AKAP17A: variants seen among roughly 807,000 people sequenced by gnomAD.
The protein encoded by AKAP17A is A-kinase anchoring protein 17A.
AKAP17A carries 15 observed loss-of-function variants against 52.2 expected under a neutral mutation model. The observed-to-expected ratio is 0.29, with a 90% CI of 0.19 to 0.44. The LOEUF is 0.44. AKAP17A is among the 20% of genes least tolerant of loss of function. The pLI, the probability that AKAP17A is intolerant of heterozygous loss-of-function variation, is 1.00. For synonymous variants in AKAP17A, 514 were observed against 424.7 expected (o/e 1.21, Z -2.58); for missense variants, 1,060 against 1,007.0 (o/e 1.05, Z -0.71).
In AKAP17A at chrX:1,601,497, G is replaced by C. The variant is rs764607785; in HGVS notation, c.1991G>C (p.Arg664Thr). The change falls in exon 5 of 5, where the codon AGG becomes ACG. Residue 664 changes from arginine (R) to threonine (T), a missense_variant. By Grantham distance (71) the Arg-to-Thr change is moderately conservative. Around this residue, in one of 2 missense-constraint regions of AKAP17A, gnomAD observed 793 missense variants for 629.9 expected, o/e 1.26. Transcript: ENST00000313871. The stretch of plus-strand genomic sequence containing the variant: ...CGGAGGGAGCGGAGCCGGGAGCGGA[G>C]GGGCAGCGCCAGCAGGAAGCACAGC... ...RHRRERSRERRGSASRKHSRH... is the reference protein window; with the variant it reads ...RHRRERSRERTGSASRKHSRH... 1.9e-6 allele frequency: 3 copies of C among 1,540,642 alleles called. No homozygotes were observed. The highest frequency in any genetic ancestry group is 1.4e-5 in the African/African-American group (1 of 72,882).
At chrX:1,594,880 G>A (rs1189118718) in intron 2 of AKAP17A, among the ~76,000 whole-genome samples, 5 of 152,164 alleles carry the variant, frequency 3.3e-5, no homozygotes, top group Non-Finnish European at 7.3e-5. Flanking sequence ...CCCTCCCAAA[G>A]TGCTGGGATT....
At chrX:1,597,989 G>A (rs1294702316) in intron 3 of AKAP17A, among the ~76,000 whole-genome samples, 2 of 152,164 alleles carry the variant, frequency 1.3e-5, no homozygotes, top group Admixed American at 6.5e-5. Context: ...TGAGCATGAG[G>A]GGAGGCCCAG....
intron 1 of AKAP17A, among the ~76,000 whole-genome samples, chrX:1,592,616 C>T (rs866126220): frequency 3.3e-5 from 5 of 152,112 alleles, no homozygotes; most frequent in Admixed American, 6.6e-5. Flanking sequence ...GGCGAGGAGG[C>T]CGTCTCCTGG....
In AKAP17A at chrX:1,600,865, C is replaced by T. The variant is rs770216958; in HGVS notation, c.1359C>T (p.His453=). Residue 453 remains histidine, a synonymous_variant, in exon 5 of 5, where the codon CAC becomes CAT. Transcript: ENST00000313871. ...LSKKPDDSHT[H]DELGVAHADL... is the part of the protein sequence containing the mutation. ...AGAAGCCGGACGACAGCCACACACA[C>T]GACGAGCTGGGCGTGGCACACGCCG... 65 of 1,589,300 alleles carry T rather than the reference C, an allele frequency of 4.1e-5. No individual in the cohort carries two copies. Among genetic ancestry groups the T allele is most frequent in the African/African-American group, 5.4e-5 (4 of 74,680 alleles).
Position 1,594,210 on chromosome X carries a change from G to A in AKAP17A, c.748G>A (p.Ala250Thr), listed in dbSNP as rs771943843. ...MYKGEDGKAV[A>T]CNIKVSFDST... ...CAAGGGCGAGGACGGCAAGGCCGTG[G>A]CCTGCAACATCAAGGTGAGTCCTGG... The change falls in exon 2 of 5, where the codon GCC (alanine) becomes ACC (threonine). Residue 250 changes from alanine to threonine, a missense_variant. Coordinates refer to ENST00000313871, the MANE Select transcript of AKAP17A (RefSeq NM_005088.3). 6.5e-7 allele frequency: 1 copy of A among 1,540,598 alleles called. No individual in the cohort carries two copies. The highest frequency in any genetic ancestry group is 2.0e-5 in the Admixed American group (1 of 49,880).
At position 1,601,474 on chromosome X, in the gene AKAP17A, G is replaced by A. The variant is rs552545718; in HGVS notation, c.1968G>A (p.Arg656=). Residue 656 remains arginine (R), a synonymous_variant, in exon 5 of 5, where the codon CGG becomes CGA. Coordinates refer to ENST00000313871, the MANE Select transcript of AKAP17A (RefSeq NM_005088.3). ...SRRSHSKDRH[R]RERSRERRGS... Reference sequence around the variant, plus strand: ...GGTCCCACAGCAAAGACAGGCACCGGAGGGAGCGGAGCCGGGAGCGGAGGG... The same window carrying A: ...GGTCCCACAGCAAAGACAGGCACCGAAGGGAGCGGAGCCGGGAGCGGAGGG... 1.1e-5 allele frequency: 18 copies of A among 1,569,584 alleles called. No homozygotes were observed. The South Asian group carries it at 1.8e-4, about 16-fold the overall frequency.
intron 3 of AKAP17A, among the ~76,000 whole-genome samples, chrX:1,595,886 G>A (rs1322332729): frequency 1.3e-5 from 2 of 152,162 alleles, no homozygotes; most frequent in African/African-American, 2.4e-5. Flanking sequence ...GTGCATGCGT[G>A]TGTGCCTGTG....
chrX:1,599,161 T>C, intron 3 of AKAP17A, 31 bp from the exon 4 acceptor site: 2 of 1,605,092 alleles, frequency 1.2e-6, no homozygotes, highest in Non-Finnish European at 1.7e-6. Flanking sequence ...TGCGGCGCTC[T>C]CTGTGACCAC....
intron 4 of AKAP17A, 73 bp downstream of exon 4, chrX:1,599,505 C>A (rs776530516): frequency 5.2e-6 from 8 of 1,545,102 alleles, no homozygotes. Context: ...GAAATGCGGG[C>A]GGCGTCACGG....
At chrX:1,599,170 A>T (rs767286584) in intron 3 of AKAP17A, 22 bp from the exon 4 acceptor site, 1 of 1,604,834 alleles carries the variant, frequency 6.2e-7, no homozygotes, top group Admixed American at 1.7e-5. Context: ...CTCTGTGACC[A>T]CCCCCGGTGT....
chrX:1,597,592 C>T (rs1349363789), intron 3 of AKAP17A, among the ~76,000 whole-genome samples: 1 of 151,844 alleles, frequency 6.6e-6, no homozygotes, highest in African/African-American at 2.4e-5. Flanking sequence ...ACAGCCCAGG[C>T]CTGGCTGAAT....
chrX:1,595,832 CAT>C (rs201348922), intron 3 of AKAP17A, among the ~76,000 whole-genome samples: 1,675 of 151,720 alleles, frequency 0.011, 8 homozygotes, highest in Middle Eastern at 0.037. Flanking sequence ...CGTGTGCCCA[CAT>C]GTGTGTGCTT....
chrX:1,601,248 G>A lies in AKAP17A; in HGVS notation c.1742G>A (p.Arg581Gln), dbSNP rs771071323. ...DTRSEQDKCN[R>Q]EPSKGRGRAT... ...CGGTCAGAACAGGACAAGTGCAACC[G>A]GGAGCCCAGCAAGGGCCGGGGCCGG... Residue 581 changes from arginine to glutamine, a missense_variant, in exon 5 of 5, where the codon CGG becomes CAG. Coordinates refer to ENST00000313871, the MANE Select transcript of AKAP17A (RefSeq NM_005088.3). 1.4e-5 allele frequency: 22 copies of A among 1,613,570 alleles called. No individual in the cohort carries two copies. In the Admixed American group the frequency reaches 1.8e-4, roughly 13 times the overall value.
chrX:1,598,785 G>A (rs369105447), intron 3 of AKAP17A, among the ~76,000 whole-genome samples: 134 of 152,322 alleles, frequency 8.8e-4, no homozygotes, highest in South Asian at 4.1e-3. Context: ...CACCCAGCGC[G>A]GTTCCTGGTG....
In AKAP17A at chrX:1,601,824, T is replaced by C; in HGVS notation, c.*230T>C. 1 of 412,958 alleles carries C rather than the reference T, an allele frequency of 2.4e-6. No individual in the cohort carries two copies. The allele number at this position is 412,958 out of a possible 1,614,324, so 25.6% of individuals were successfully genotyped here. A position where few individuals can be genotyped will look rare whatever the true frequency, so the allele number is the denominator to read the frequency against. ...CTTCAGTTTCAAACACGTAGTCCTT[T>C]AAAACTTGATCCGATAGCTTTAATG... On this transcript the variant is annotated 3_prime_UTR_variant, in exon 5 of 5. Coordinates refer to ENST00000313871, the MANE Select transcript of AKAP17A (RefSeq NM_005088.3).
chrX:1,595,661 TG>T, intron 3 of AKAP17A, 129 bp downstream of exon 3: 1 of 1,410,034 alleles, frequency 7.1e-7, no homozygotes, highest in Non-Finnish European at 9.8e-7. Context: ...AGCTTGTGTG[TG>T]TACCTGTGTG....
chrX:1,593,761 C>A lies in AKAP17A; in HGVS notation c.299C>A (p.Thr100Asn). Residue 100 changes from threonine to asparagine, a missense_variant, in exon 2 of 5, where the codon ACC becomes AAC. Thr to Asn is a moderately conservative substitution (Grantham distance 65, BLOSUM62 0). This residue lies in a region of AKAP17A where 267 missense variants were observed against 377.1 expected (regional missense o/e 0.71). Coordinates refer to ENST00000313871, the MANE Select transcript of AKAP17A (RefSeq NM_005088.3). ...TTTCTGGCCTGCCTGGACGGCAAGACCATCAAGCTCAGCGGCTTCTCCGAC... is the reference window on the plus strand; with the variant it reads ...TTTCTGGCCTGCCTGGACGGCAAGAACATCAAGCTCAGCGGCTTCTCCGAC... The part of the protein sequence containing the change: ...KSFLACLDGK[T>N]IKLSGFSDIL... 6.2e-7 allele frequency: 1 copy of A among 1,613,942 alleles called. No homozygotes were observed. Among genetic ancestry groups the A allele is most frequent in the Non-Finnish European group, 8.5e-7 (1 of 1,179,872 alleles).
At position 1,601,969 on chromosome X, in the gene AKAP17A, GGCCTAGGA is replaced by G. The variant is rs1385012404; in HGVS notation, c.*377_*384del. 4.5e-6 allele frequency: 1 copy of G among 224,524 alleles called. No individual in the cohort carries two copies. Among genetic ancestry groups the G allele is most frequent in the Non-Finnish European group, 8.7e-6 (1 of 115,256 alleles). 13.9% of individuals were successfully genotyped at this position (224,524 alleles called of 1,614,324 possible). Reference sequence around the variant, plus strand: ...TGCTTGGCGACCTCCCTGCGTGCACGGCCTAGGAGGTGCACGGGCCACCATAGTCACAC... The same window carrying G: ...TGCTTGGCGACCTCCCTGCGTGCACGGGTGCACGGGCCACCATAGTCACAC... On this transcript the variant is annotated 3_prime_UTR_variant, in exon 5 of 5. Coordinates refer to ENST00000313871, the MANE Select transcript of AKAP17A (RefSeq NM_005088.3).
At chrX:1,598,058 C>T (rs1440794816) in intron 3 of AKAP17A, among the ~76,000 whole-genome samples, 2 of 152,184 alleles carry the variant, frequency 1.3e-5, no homozygotes, top group African/African-American at 4.8e-5. Context: ...CTTGTTCAGC[C>T]CTCACGTGTA....
Sources: gnomAD v4.1 joint callset for allele counts (sites outside exome capture counted in the v4.1 genomes callset) on GRCh38, gnomAD v4.1.1 for gene constraint, gnomAD v4.1.1 regional missense constraint, MANE v1.5 for transcripts, NCBI Gene and HGNC (gene_info 2026-07-23, HGNC 2026-07-21) for gene names.